Variants in RBFOX1 observed in about 807,000 individuals in gnomAD.
RBFOX1 encodes RNA binding protein fox-1 homolog 1.
In RBFOX1, 8 loss-of-function variants were observed where a neutral mutation model predicts 57.7. The observed-to-expected ratio is 0.14, with a 90% CI of 0.08 to 0.25. The LOEUF is 0.25. Ranked by LOEUF, RBFOX1 falls within the 10% of genes least tolerant of loss-of-function variation. The probability of loss-of-function intolerance (pLI) is 1.00; values close to 1 mark genes in which losing one functional copy is unlikely to be tolerated. For missense variants in RBFOX1, 611 were observed against 548.5 expected (o/e 1.11, Z -1.14); for synonymous variants, 326 against 222.4 (o/e 1.47, Z -4.15).
chr16:7,693,171 C>T (rs1333509127), intron 14 of RBFOX1: 3 of 648,932 alleles, frequency 4.6e-6, no homozygotes, highest in Non-Finnish European at 8.4e-6. Context: ...TTTCTAAACT[C>T]TGAGGTACAT....
At chr16:6,684,506 C>A (rs1015737591) in intron 3 of RBFOX1, among the ~76,000 whole-genome samples, 2 of 152,300 alleles carry the variant, frequency 1.3e-5, no homozygotes, top group African/African-American at 4.8e-5. Flanking sequence ...TCAGCTTGTG[C>A]CATCTTAGAA....
At chr16:6,842,350 A>G (rs1022848453) in intron 3 of RBFOX1, among the ~76,000 whole-genome samples, 1 of 152,120 alleles carries the variant, frequency 6.6e-6, no homozygotes, top group African/African-American at 2.4e-5. Context: ...TTGGAAAGAC[A>G]AATACTTTGT....
At chr16:7,280,620 C>T (rs996452144) in intron 4 of RBFOX1, among the ~76,000 whole-genome samples, 15 of 152,108 alleles carry the variant, frequency 9.9e-5, no homozygotes, top group Non-Finnish European at 2.1e-4. Flanking sequence ...GAGAGCTCCG[C>T]ACATAAGGAC....
At chr16:6,859,701 G>A (rs568086356) in intron 3 of RBFOX1, among the ~76,000 whole-genome samples, 42 of 152,168 alleles carry the variant, frequency 2.8e-4, no homozygotes, top group African/African-American at 9.9e-4. Context: ...AATCGACTAC[G>A]GTATCAGCAA....
chr16:5,260,237 A>C (rs1335211289), intron 1 of RBFOX1, among the ~76,000 whole-genome samples: 3 of 152,304 alleles, frequency 2.0e-5, no homozygotes, highest in Non-Finnish European at 4.4e-5. Context: ...TATGAAGGAC[A>C]TTGGTGACAT....
chr16:7,657,633 C>T lies in RBFOX1; in HGVS notation c.890+3686C>T, dbSNP rs560710313. 2.2e-4 allele frequency among the ~76,000 whole-genome samples: 34 copies of T among 152,336 alleles called. 1 individual carries two copies. The East Asian group carries it at 6.0e-3, about 27-fold the overall frequency. On this transcript the variant is annotated intron_variant, in intron 12 of 15. Coordinates refer to ENST00000550418, the MANE Select transcript of RBFOX1 (RefSeq NM_018723.4). The stretch of plus-strand genomic sequence containing the variant: ...CATCAATTTCCTTTTATTGATTTGC[C>T]TTTTCCTTCCATGTCTTGATATTTT...
At chr16:5,401,140 G>T (rs1185692000) in intron 1 of RBFOX1, among the ~76,000 whole-genome samples, 1 of 152,076 alleles carries the variant, frequency 6.6e-6, no homozygotes, top group Non-Finnish European at 1.5e-5. Context: ...GTGCTTAGAA[G>T]AGCCTTCTCT....
At chr16:7,351,615 C>G (rs569248256) in intron 4 of RBFOX1, among the ~76,000 whole-genome samples, 40 of 152,296 alleles carry the variant, frequency 2.6e-4, no homozygotes, top group African/African-American at 8.9e-4. Context: ...GAGCTCACAT[C>G]CTTTATTGTC....
intron 2 of RBFOX1, among the ~76,000 whole-genome samples, chr16:6,523,162 G>C (rs1306048481): frequency 6.6e-6 from 1 of 152,110 alleles, no homozygotes; most frequent in African/African-American, 2.4e-5. Context: ...TGGGGTGACT[G>C]TCTTTGTCCT....
chr16:5,406,349 A>G (rs531129638), intron 1 of RBFOX1, among the ~76,000 whole-genome samples: 31 of 147,082 alleles, frequency 2.1e-4, no homozygotes, highest in Admixed American at 1.8e-3. Flanking sequence ...CAAAAGGTGG[A>G]GGAGGGGAGA....
chr16:6,415,274 C>T (rs1054194187), intron 2 of RBFOX1, among the ~76,000 whole-genome samples: 16 of 146,406 alleles, frequency 1.1e-4, no homozygotes, highest in African/African-American at 3.8e-4. Flanking sequence ...AAATAGCGTT[C>T]AGGTTGAGAA....
At chr16:6,146,757 C>T (rs1276280552) in intron 1 of RBFOX1, among the ~76,000 whole-genome samples, 1 of 152,170 alleles carries the variant, frequency 6.6e-6, no homozygotes, top group African/African-American at 2.4e-5. Flanking sequence ...CTTTACTGAA[C>T]CTTCCGGAGT....
At chr16:5,703,764 T>G (rs1188256311) in intron 3 of RBFOX1, among the ~76,000 whole-genome samples, 1 of 152,206 alleles carries the variant, frequency 6.6e-6, no homozygotes, top group Admixed American at 6.5e-5. Flanking sequence ...TGTGTATATG[T>G]GCATGTGTAT....
intron 3 of RBFOX1, among the ~76,000 whole-genome samples, chr16:5,763,842 G>A (rs1048887712): frequency 6.6e-6 from 1 of 152,246 alleles, no homozygotes; most frequent in Admixed American, 6.5e-5. Context: ...CTCTGAATGC[G>A]CTGGCTGTCT....
Position 7,531,881 on chromosome 16 carries a change from C to G in RBFOX1, c.270+13492C>G, listed in dbSNP as rs925043777. 2.0e-5 allele frequency among the ~76,000 whole-genome samples: 3 copies of G among 152,136 alleles called. No homozygotes were observed. The South Asian group carries it at 6.2e-4, about 31-fold the overall frequency. ...CTCAATTTATACAACTAAACCCACA[C>G]ACATCCTTCCCATCCCTAACCCATC... is the stretch of plus-strand genomic sequence containing the variant. On this transcript the variant is annotated intron_variant, in intron 5 of 15. Transcript: ENST00000550418.
chr16:5,585,925 C>T (rs2046815070), intron 2 of RBFOX1, among the ~76,000 whole-genome samples: 1 of 152,204 alleles, frequency 6.6e-6, no homozygotes, highest in Admixed American at 6.5e-5. Context: ...GACCCTGGAA[C>T]CTGTGAATAT....
chr16:6,819,029 A>G (rs998680351), intron 3 of RBFOX1, among the ~76,000 whole-genome samples: 1 of 152,204 alleles, frequency 6.6e-6, no homozygotes, highest in African/African-American at 2.4e-5. Context: ...AGTAACAGAG[A>G]TGGACTATCA....
intron 3 of RBFOX1, among the ~76,000 whole-genome samples, chr16:6,960,977 A>G (rs567611753): frequency 5.4e-5 from 6 of 111,456 alleles, no homozygotes; most frequent in Admixed American, 3.7e-4. Context: ...AAAATACAAA[A>G]AAAAAAAAAA....
chr16:7,283,909 T>G (rs2095598179), intron 4 of RBFOX1, among the ~76,000 whole-genome samples: 3 of 152,220 alleles, frequency 2.0e-5, no homozygotes, highest in Admixed American at 2.0e-4. Flanking sequence ...AGCATATTCG[T>G]CATTCCAAAA....
Sources: gnomAD v4.1 joint callset for allele counts (sites outside exome capture counted in the v4.1 genomes callset) on GRCh38, gnomAD v4.1.1 for gene constraint, MANE v1.5 for transcripts, NCBI Gene and HGNC (gene_info 2026-07-23, HGNC 2026-07-21) for gene names.